The following GBF1 variants were observed in gnomAD, a reference collection of about 807,000 sequenced individuals.
The protein encoded by GBF1 is Golgi-specific brefeldin A-resistance guanine nucleotide exchange factor 1.
GBF1 carries 114 observed loss-of-function variants against 210.5 expected under a neutral mutation model. The ratio of observed to expected loss-of-function variants is 0.54; its 90% CI spans 0.47 to 0.63. The LOEUF (loss-of-function observed/expected upper bound fraction) is 0.63, where lower values mean the gene tolerates loss of function less well. Among genes scored for constraint, GBF1 ranks in the 30% least tolerant of loss-of-function variants. The probability of loss-of-function intolerance (pLI) is 0.00; values close to 1 mark genes in which losing one functional copy is unlikely to be tolerated. For synonymous variants in GBF1, 850 were observed against 889.2 expected, an observed-to-expected ratio of 0.96 and a Z score of 0.78; for missense variants, 1,851 against 2,357.7, an observed-to-expected ratio of 0.79 and a Z score of 4.45.
chr10:102,355,701 G>A (rs2059252844), intron 8 of GBF1, among the ~76,000 whole-genome samples: 1 of 152,226 alleles, frequency 6.6e-6, no homozygotes. Context: ...GCTTCTCAGT[G>A]GAAGTAGGAC....
In GBF1 at chr10:102,314,191, G is replaced by GC. The variant is rs2078733564; in HGVS notation, c.164-29859dup. Among the ~76,000 whole-genome samples the GC allele has an allele frequency of 4.1e-5, 6 of 147,534 alleles. No homozygotes were observed. In the Admixed American group the frequency reaches 4.1e-4, roughly 10 times the overall value. On this transcript the variant is annotated intron_variant, in intron 3 of 39. Coordinates refer to ENST00000369983, the MANE Select transcript of GBF1 (RefSeq NM_001377137.1). ...GTCAGGATTACGCTCTTTTGCCCAGGCTGGAGTGCAGTGGTGTGAAAATGG... is the reference window on the plus strand; with the variant it reads ...GTCAGGATTACGCTCTTTTGCCCAGGCCTGGAGTGCAGTGGTGTGAAAATGG...
Position 102,257,988 on chromosome 10 carries a change from G to A in GBF1, c.-10-941G>A, listed in dbSNP as rs73346832. On this transcript the variant is annotated intron_variant, in intron 1 of 39. Transcript: ENST00000369983. ...GGGAACAATTGACTTTGAAGAATTT[G>A]ACATGCTTCCTGAGGATTGTTGAGG... 4.6e-3 allele frequency among the ~76,000 whole-genome samples: 698 copies of A among 152,160 alleles called. 9 individuals are homozygous for A. Among genetic ancestry groups the A allele is most frequent in the African/African-American group, 0.015 (630 of 41,512 alleles).
chr10:102,244,151 C>A (rs2070636327), upstream of GBF1, among the ~76,000 whole-genome samples: 1 of 151,954 alleles, frequency 6.6e-6, no homozygotes, highest in South Asian at 2.1e-4. Context: ...AAACAAAAGA[C>A]AAAAAAACAA....
rs143973197 is a variant in GBF1 at position 102,366,499 on chromosome 10, G to A, written c.2426G>A (p.Arg809His). Residue 809 changes from arginine (R) to histidine (H), a missense_variant, in exon 19 of 40, where the codon CGT becomes CAT. Coordinates refer to ENST00000369983, the MANE Select transcript of GBF1 (RefSeq NM_001377137.1). The surrounding 1 kb of genome is among the most constrained non-coding windows in gnomAD (Gnocchi z 4.0). ...IQRLLEAFTE[R>H]WMNCNGSPFA... ...AGGTTGCTGGAGGCATTCACAGAGCGTTGGATGGTGAGTTTGAGTGTCAGG... is the reference window on the plus strand; with the variant it reads ...AGGTTGCTGGAGGCATTCACAGAGCATTGGATGGTGAGTTTGAGTGTCAGG... 1,072 of 1,613,612 alleles carry A rather than the reference G, an allele frequency of 6.6e-4. No homozygotes were observed. Among genetic ancestry groups the A allele is most frequent in the Non-Finnish European group, 8.7e-4 (1,023 of 1,179,742 alleles).
the GBF1 span, among the ~76,000 whole-genome samples, chr10:102,232,489 C>G: frequency 6.6e-6 from 1 of 152,140 alleles, no homozygotes; most frequent in Non-Finnish European, 1.5e-5. Flanking sequence ...TCGAGACCAG[C>G]CTGGCCAACA....
chr10:102,277,339 A>G (rs559947311), intron 3 of GBF1, among the ~76,000 whole-genome samples: 1 of 152,106 alleles, frequency 6.6e-6, no homozygotes, highest in Admixed American at 6.5e-5. Context: ...AGAAAAGTAC[A>G]TAAATAAATA....
chr10:102,245,135 A>G (rs923433851), upstream of GBF1, among the ~76,000 whole-genome samples: 1 of 152,204 alleles, frequency 6.6e-6, no homozygotes, highest in Non-Finnish European at 1.5e-5. Flanking sequence ...ATACGTGGAC[A>G]GGGGAGTAGG....
the GBF1 span, chr10:102,230,853 TGGCGAGAAGACG>T: frequency 6.3e-7 from 1 of 1,595,050 alleles, no homozygotes; most frequent in South Asian, 1.1e-5. Flanking sequence ...TGGAGCTGGG[TGGCGAGAAGACG>T]GGCTGCGAAG....
rs779550259 is a variant in GBF1 at position 102,351,837 on chromosome 10, T to G, written c.415-6T>G. 6.6e-7 allele frequency: 1 copy of G among 1,521,758 alleles called. No individual in the cohort carries two copies. The highest frequency in any genetic ancestry group is 9.1e-7 in the Non-Finnish European group (1 of 1,095,772). The allele number at this position is 1,521,758 out of a possible 1,614,324, so 94.3% of individuals were successfully genotyped here. The stretch of plus-strand genomic sequence containing the variant: ...TATCACAGTAATTCCTTTTTCTTCC[T>G]GATAGGTTCTACGGACTCTGCTGCT... On this transcript the variant is annotated splice_region_variant and splice_polypyrimidine_tract_variant and intron_variant, in intron 5 of 39. Transcript: ENST00000369983.
intron 33 of GBF1, among the ~76,000 whole-genome samples, chr10:102,378,941 A>T (rs1332389052): frequency 6.6e-6 from 1 of 152,214 alleles, no homozygotes; most frequent in Non-Finnish European, 1.5e-5. Context: ...CTCAAAAAAT[A>T]AAATTAAATT....
rs552032634 is a variant in GBF1 at position 102,268,390 on chromosome 10, A to G, written c.163+8274A>G. Among the ~76,000 whole-genome samples the G allele has an allele frequency of 1.4e-4, 21 of 152,346 alleles. No individual in the cohort carries two copies. The South Asian group carries it at 4.3e-3, about 32-fold the overall frequency. On this transcript the variant is annotated intron_variant, in intron 3 of 39. Transcript: ENST00000369983. The stretch of plus-strand genomic sequence containing the variant: ...ATTCTTAATAGTTTAGCTCTCAAAA[A>G]CAGAGAAACCTAATTTCTTTGTAGC...
At chr10:102,306,624 A>G (rs563482248) in intron 3 of GBF1, among the ~76,000 whole-genome samples, 2 of 152,274 alleles carry the variant, frequency 1.3e-5, no homozygotes, top group East Asian at 1.9e-4. Flanking sequence ...GGGTTTTGCC[A>G]TGTTGGCCAG....
chr10:102,374,293 T>A (rs1160291699), intron 29 of GBF1, among the ~76,000 whole-genome samples: 1 of 151,640 alleles, frequency 6.6e-6, no homozygotes, highest in Admixed American at 6.6e-5. Flanking sequence ...GAGGTTGCAG[T>A]GAGCTGAGAT....
intron 3 of GBF1, among the ~76,000 whole-genome samples, chr10:102,316,564 T>G (rs988277373): frequency 1.3e-5 from 2 of 152,264 alleles, no homozygotes; most frequent in African/African-American, 4.8e-5. Context: ...ATTTAGGTCT[T>G]CAGTGAGTCA....
intron 3 of GBF1, among the ~76,000 whole-genome samples, chr10:102,291,660 T>C (rs1341335213): frequency 6.6e-6 from 1 of 152,162 alleles, no homozygotes. Flanking sequence ...AGTGGAGACT[T>C]GATATTTGGC....
chr10:102,372,903 A>G (rs2060287397), intron 29 of GBF1, among the ~76,000 whole-genome samples: 2 of 152,226 alleles, frequency 1.3e-5, no homozygotes, highest in Non-Finnish European at 2.9e-5. Context: ...TCTTGCCTCA[A>G]CACTGTCTGG....
In GBF1 at chr10:102,375,397, C is replaced by T. The variant is rs755228614; in HGVS notation, c.3699C>T (p.Pro1233=). 1 of 1,613,630 alleles carries T rather than the reference C, an allele frequency of 6.2e-7. No individual in the cohort carries two copies. The highest frequency in any genetic ancestry group is 1.3e-5 in the African/African-American group (1 of 74,890). Residue 1233 remains proline, a synonymous_variant, in exon 30 of 40, where the codon CCC becomes CCT. Transcript: ENST00000369983. ...TGCGCATTTTGCTACTGATGAAGCC[C>T]AGTGTGCTATCCCGAGTCAGCCACC... ...LSLRILLLMK[P]SVLSRVSHQV... is the part of the protein sequence containing the mutation.
intron 3 of GBF1, among the ~76,000 whole-genome samples, chr10:102,297,145 A>G (rs148075937): frequency 2.2e-3 from 330 of 152,272 alleles, no homozygotes; most frequent in African/African-American, 7.7e-3. Context: ...CCTTGGTTCT[A>G]TTTGGTCCCC....
chr10:102,324,371 A>G lies in GBF1; in HGVS notation c.164-19680A>G, dbSNP rs545209658. Among the ~76,000 whole-genome samples the G allele has an allele frequency of 2.4e-4, 37 of 152,330 alleles. 1 individual carries two copies. The South Asian group carries it at 7.5e-3, about 31-fold the overall frequency. ...GTTTAACCCTTTCTTCTGTGTAGGG[A>G]ATGCCAGGGGCTACCCAAGAAATAT... On this transcript the variant is annotated intron_variant, in intron 3 of 39. Transcript: ENST00000369983.
Sources: gnomAD v4.1 joint callset for allele counts (sites outside exome capture counted in the v4.1 genomes callset) on GRCh38, gnomAD v4.1.1 for gene constraint, Gnocchi (gnomAD v3.1) non-coding constraint, MANE v1.5 for transcripts, NCBI Gene and HGNC (gene_info 2026-07-23, HGNC 2026-07-21) for gene names.